PDGFC: variants seen among roughly 807,000 people sequenced by gnomAD.
PDGFC encodes platelet derived growth factor C, also known as platelet-derived growth factor C.
Under a neutral mutation model 35.5 loss-of-function variants are expected in PDGFC, and 12 were observed. The observed-to-expected ratio is 0.34, with a 90% CI of 0.22 to 0.55. PDGFC has a LOEUF of 0.55. Among genes scored for constraint, PDGFC ranks in the 20% least tolerant of loss-of-function variants. The pLI, the probability that PDGFC is intolerant of heterozygous loss-of-function variation, is 0.91. For synonymous variants in PDGFC, 159 were observed against 148.8 expected, an observed-to-expected ratio of 1.07 and a Z score of -0.50; for missense variants, 322 against 412.4, an observed-to-expected ratio of 0.78 and a Z score of 1.90.
chr4:156,878,489 G>A (rs2111163668), intron 1 of PDGFC, among the ~76,000 whole-genome samples: 1 of 152,096 alleles, frequency 6.6e-6, no homozygotes, highest in South Asian at 2.1e-4. Flanking sequence ...AACACATATG[G>A]CTTCCCAGTA....
intron 1 of PDGFC, among the ~76,000 whole-genome samples, chr4:156,966,741 T>C (rs1732475606): frequency 6.6e-6 from 1 of 152,218 alleles, no homozygotes; most frequent in Admixed American, 6.5e-5. Flanking sequence ...GGAAGTTTAA[T>C]GTCCAATCCC....
In PDGFC at chr4:156,971,217, G is replaced by T. The variant is rs1256635877; in HGVS notation, c.-314C>A. 4.9e-6 allele frequency: 2 copies of T among 411,766 alleles called. No individual in the cohort carries two copies. The highest frequency in any genetic ancestry group is 3.5e-5 in the East Asian group (1 of 28,826). The allele number at this position is 411,766 out of a possible 1,614,324, so 25.5% of individuals were successfully genotyped here. A position where few individuals can be genotyped will look rare whatever the true frequency, so the allele number is the denominator to read the frequency against. On this transcript the variant is annotated 5_prime_UTR_variant, in exon 1 of 6. Coordinates refer to ENST00000502773, the MANE Select transcript of PDGFC (RefSeq NM_016205.3). ...GTGAAGGCGAGGGAGGAATGAGGGG[G>T]TGGGGACGCGGGGGAGCGGCGAGAA...
chr4:156,809,001 C>A (rs997837339), intron 3 of PDGFC, among the ~76,000 whole-genome samples: 1 of 152,024 alleles, frequency 6.6e-6, no homozygotes, highest in Non-Finnish European at 1.5e-5. Context: ...ATGTAGGACA[C>A]TACCTTCATT....
At chr4:156,792,859 T>G (rs924442116) in intron 3 of PDGFC, among the ~76,000 whole-genome samples, 14 of 152,138 alleles carry the variant, frequency 9.2e-5, no homozygotes, top group African/African-American at 3.4e-4. Context: ...CCTGAAAACT[T>G]AAAGATTTCC....
At chr4:156,813,010 C>T (rs1379470644) in intron 2 of PDGFC, among the ~76,000 whole-genome samples, 1 of 152,028 alleles carries the variant, frequency 6.6e-6, no homozygotes, top group Admixed American at 6.6e-5. Flanking sequence ...CATAAGCCAG[C>T]CAGTATAACC....
intron 2 of PDGFC, among the ~76,000 whole-genome samples, chr4:156,819,833 T>C (rs1732199167): frequency 6.6e-6 from 1 of 152,218 alleles, no homozygotes; most frequent in South Asian, 2.1e-4. Flanking sequence ...CAGAGTAAAC[T>C]GAAAATCTTC....
At chr4:156,884,547 G>T (rs1307889100) in intron 1 of PDGFC, among the ~76,000 whole-genome samples, 3 of 152,200 alleles carry the variant, frequency 2.0e-5, no homozygotes, top group African/African-American at 7.2e-5. Context: ...CCAAAGAAGT[G>T]AAACAACCAC....
chr4:156,842,493 C>T (rs1362117452), intron 2 of PDGFC, among the ~76,000 whole-genome samples: 2 of 151,958 alleles, frequency 1.3e-5, no homozygotes, highest in Non-Finnish European at 2.9e-5. Context: ...GGAGGGATTG[C>T]CTTCAATCCC....
intron 1 of PDGFC, among the ~76,000 whole-genome samples, chr4:156,937,380 A>G (rs1451966027): frequency 6.6e-6 from 1 of 152,188 alleles, no homozygotes; most frequent in East Asian, 1.9e-4. Context: ...CTAAGTGAAG[A>G]TTCAAAGAAA....
intron 1 of PDGFC, among the ~76,000 whole-genome samples, chr4:156,892,085 C>A (rs1431232293): frequency 6.6e-6 from 1 of 152,160 alleles, no homozygotes. Context: ...ATAGTCCTGA[C>A]TGGGTTCAAA....
chr4:156,837,794 G>C (rs930780047), intron 2 of PDGFC, among the ~76,000 whole-genome samples: 2 of 152,194 alleles, frequency 1.3e-5, no homozygotes, highest in Non-Finnish European at 2.9e-5. Context: ...GGGTTAGTGA[G>C]ACAGTGGTTG....
Position 156,971,741 on chromosome 4 carries a change from C to T in PDGFC, c.-838G>A, listed in dbSNP as rs1299898275. On this transcript the variant is annotated 5_prime_UTR_variant, in exon 1 of 6. Coordinates refer to ENST00000502773, the MANE Select transcript of PDGFC (RefSeq NM_016205.3). Reference sequence around the variant, plus strand: ...GCTCCGGTTGTTCCCCGTCCCCTCCCCCCACGCCTCGGGCTCCGCGCTAAC... The same window carrying T: ...GCTCCGGTTGTTCCCCGTCCCCTCCTCCCACGCCTCGGGCTCCGCGCTAAC... Among the ~76,000 whole-genome samples, 1 of 151,940 alleles carries T rather than the reference C, an allele frequency of 6.6e-6. No homozygotes were observed. Among genetic ancestry groups the T allele is most frequent in the Non-Finnish European group, 1.5e-5 (1 of 67,956 alleles).
intron 1 of PDGFC, among the ~76,000 whole-genome samples, chr4:156,874,713 T>G (rs1413445404): frequency 1.3e-5 from 2 of 151,996 alleles, no homozygotes; most frequent in African/African-American, 2.4e-5. Flanking sequence ...ACATTTTCTC[T>G]TTTTTTAATT....
chr4:156,921,302 G>T (rs1731275687), intron 1 of PDGFC, among the ~76,000 whole-genome samples: 1 of 152,098 alleles, frequency 6.6e-6, no homozygotes, highest in South Asian at 2.1e-4. Flanking sequence ...ATCTAATCAA[G>T]GTATCATCAT....
chr4:156,970,478 G>C (rs1187280909), intron 1 of PDGFC, among the ~76,000 whole-genome samples: 1 of 152,060 alleles, frequency 6.6e-6, no homozygotes, highest in African/African-American at 2.4e-5. Context: ...GGCAGTTCTT[G>C]AACTTCTAAC....
chr4:156,871,169 A>G (rs902622823), intron 1 of PDGFC, among the ~76,000 whole-genome samples: 9 of 152,258 alleles, frequency 5.9e-5, no homozygotes, highest in Non-Finnish European at 1.3e-4. Context: ...AGATGCCAAG[A>G]CAGGGGTTTT....
Position 156,830,710 on chromosome 4 carries a change from A to C in PDGFC, c.314+19511T>G, listed in dbSNP as rs143973000. On this transcript the variant is annotated intron_variant, in intron 2 of 5. Transcript: ENST00000502773. Reference sequence around the variant, plus strand: ...GGTACATTTCATTGGATATTCTTAAAAACTATCTAATGGTGGCTTTCAAAA... The same window carrying C: ...GGTACATTTCATTGGATATTCTTAACAACTATCTAATGGTGGCTTTCAAAA... Among the ~76,000 whole-genome samples, 393 of 152,312 alleles carry C rather than the reference A, an allele frequency of 2.6e-3. 1 individual carries two copies. The highest frequency in any genetic ancestry group is 5.3e-3 in the Admixed American group (81 of 15,292).
At chr4:156,935,935 T>C (rs1253664713) in intron 1 of PDGFC, among the ~76,000 whole-genome samples, 1 of 152,156 alleles carries the variant, frequency 6.6e-6, no homozygotes, top group Non-Finnish European at 1.5e-5. Flanking sequence ...ATAAAATCTA[T>C]ATACTGACTA....
At position 156,882,014 on chromosome 4, in the gene PDGFC, C is replaced by T. The variant is rs553729493; in HGVS notation, c.119-31598G>A. ...TTCCTAGTTTCAGGTATGTCTTTAT[C>T]AGCAGCATGAAAATGGACTAATACA... On this transcript the variant is annotated intron_variant, in intron 1 of 5. Transcript: ENST00000502773. Among the ~76,000 whole-genome samples, 3 of 152,060 alleles carry T rather than the reference C, an allele frequency of 2.0e-5. No individual in the cohort carries two copies. In the South Asian group the frequency reaches 6.2e-4, roughly 32 times the overall value.
Sources: gnomAD v4.1 joint callset for allele counts (sites outside exome capture counted in the v4.1 genomes callset) on GRCh38, gnomAD v4.1.1 for gene constraint, MANE v1.5 for transcripts, NCBI Gene and HGNC (gene_info 2026-07-23, HGNC 2026-07-21) for gene names.